Variants in TP73 observed in about 807,000 individuals in gnomAD.
TP73 encodes the protein p53-like transcription factor.
Under a neutral mutation model 62.5 loss-of-function variants are expected in TP73, and 25 were observed. The ratio of observed to expected loss-of-function variants is 0.40; its 90% CI spans 0.29 to 0.56. TP73 has a LOEUF of 0.56. Ranked by LOEUF, TP73 falls within the 20% of genes least tolerant of loss-of-function variation. The probability of loss-of-function intolerance (pLI) is 0.46; values close to 1 mark genes in which losing one functional copy is unlikely to be tolerated. For missense variants in TP73, 754 were observed against 913.3 expected (o/e 0.83, Z 2.25); for synonymous variants, 423 against 377.5 (o/e 1.12, Z -1.40).
At chr1:3,710,985 G>GT (rs1640095314) in intron 4 of TP73, among the ~76,000 whole-genome samples, 1 of 152,206 alleles carries the variant, frequency 6.6e-6, no homozygotes, top group Non-Finnish European at 1.5e-5. Context: ...TGTAACCAGT[G>GT]ACCAGTGACA....
chr1:3,732,692 C>A (rs1048215462), intron 13 of TP73, 55 bp from the exon 14 acceptor site: 6 of 1,483,918 alleles, frequency 4.0e-6, no homozygotes, highest in African/African-American at 2.8e-5. Flanking sequence ...AGGGCGACCC[C>A]CCCTGCTCTC....
chr1:3,732,286 C>T (rs562739989), intron 13 of TP73, among the ~76,000 whole-genome samples: 2 of 152,204 alleles, frequency 1.3e-5, no homozygotes, highest in Non-Finnish European at 2.9e-5. Context: ...AGAGAGTGGC[C>T]GCGTCTGTGT....
intron 4 of TP73, among the ~76,000 whole-genome samples, chr1:3,719,890 T>TTGTGTGTG (rs5772122): frequency 0.031 from 4,115 of 132,088 alleles, 106 homozygotes; most frequent in African/African-American, 0.056. Flanking sequence ...TTTTTTCTCT[T>TTGTGTGTG]TGTGTGTGTG....
rs776034769 is a variant in TP73, at chr1:3,723,446, G to A, written c.709G>A (p.Val237Met). The change falls in exon 6 of 14, where the codon GTG becomes ATG. Residue 237 changes from valine to methionine, a missense_variant. Coordinates refer to ENST00000378295, the MANE Select transcript of TP73 (RefSeq NM_005427.4). ...CCCTGTCACCGGCAGGCAGAGCGTC[G>A]TGGTGCCCTATGAGCCACCACAGGT... Reference protein sequence around the residue: ...DDPVTGRQSVVVPYEPPQVGT... With the variant: ...DDPVTGRQSVMVPYEPPQVGT... The A allele has an allele frequency of 2.6e-5, 42 of 1,612,272 alleles. No individual in the cohort carries two copies. The highest frequency in any genetic ancestry group is 1.1e-4 in the East Asian group (5 of 44,878).
At chr1:3,673,340 C>T (rs991356484) in intron 1 of TP73, among the ~76,000 whole-genome samples, 3 of 152,174 alleles carry the variant, frequency 2.0e-5, no homozygotes, top group Admixed American at 6.5e-5. Flanking sequence ...CTTTGGGACC[C>T]GGGCCTCATT....
intron 4 of TP73, chr1:3,708,168 G>T: frequency 3.3e-6 from 1 of 302,764 alleles, no homozygotes; most frequent in Non-Finnish European, 6.3e-6. Flanking sequence ...GTCTGTCCGA[G>T]ACAGGCCCAC....
chr1:3,668,068 A>G (rs1570381684), intron 1 of TP73, among the ~76,000 whole-genome samples: 1 of 152,182 alleles, frequency 6.6e-6, no homozygotes, highest in East Asian at 1.9e-4. Flanking sequence ...TTTGTCTCCA[A>G]CAAGGATGTT....
At chr1:3,687,743 C>G (rs1645700093) in intron 3 of TP73, among the ~76,000 whole-genome samples, 1 of 152,180 alleles carries the variant, frequency 6.6e-6, no homozygotes, top group South Asian at 2.1e-4. Flanking sequence ...CCAGGGCTGG[C>G]CCCTCCCCTG....
At position 3,666,206 on chromosome 1, in the gene TP73, C is replaced by A. The variant is rs553982991; in HGVS notation, c.-34+13565C>A. On this transcript the variant is annotated intron_variant, in intron 1 of 13. Transcript: ENST00000378295. This position sits in a 1 kb window ranked among gnomAD's most constrained non-coding sequence, Gnocchi z 6.4. The stretch of plus-strand genomic sequence containing the variant: ...CAGCCTAGGCTGGTGTGCAGTGGTG[C>A]AGTCACAGCTGACCACAGCCTCCAA... 2.0e-5 allele frequency among the ~76,000 whole-genome samples: 3 copies of A among 148,928 alleles called. No homozygotes were observed. The highest frequency in any genetic ancestry group is 2.0e-4 in the East Asian group (1 of 5,024).
In TP73 at chr1:3,670,734, G is replaced by A. The variant is rs1456765463; in HGVS notation, c.-33-11599G>A. ...AAAAGTGAGGAGAAATGAGGAGGAA[G>A]TCGAGCAATTTAACCCCAAATGGTG... On this transcript the variant is annotated intron_variant, in intron 1 of 13. Transcript: ENST00000378295. This position sits in a 1 kb window ranked among gnomAD's most constrained non-coding sequence, Gnocchi z 5.9. Among the ~76,000 whole-genome samples, 1 of 151,180 alleles carries A rather than the reference G, an allele frequency of 6.6e-6. No individual in the cohort carries two copies. The highest frequency in any genetic ancestry group is 2.4e-5 in the African/African-American group (1 of 41,230).
In TP73 at chr1:3,701,431, C is replaced by T. The variant is rs746141242; in HGVS notation, c.187-6118C>T. ...AGGGCTCCCGGGCGAGAGTCACTTC[C>T]GATGAAGTCTCAGGTTACCATACTT... is the stretch of plus-strand genomic sequence containing the variant. On this transcript the variant is annotated intron_variant, in intron 3 of 13. Transcript: ENST00000378295. The surrounding 1 kb of genome is among the most constrained non-coding windows in gnomAD (Gnocchi z 4.7). 6.6e-5 allele frequency among the ~76,000 whole-genome samples: 10 copies of T among 152,158 alleles called. No individual in the cohort carries two copies. Among genetic ancestry groups the T allele is most frequent in the Non-Finnish European group, 1.5e-4 (10 of 68,032 alleles).
intron 1 of TP73, among the ~76,000 whole-genome samples, chr1:3,681,090 C>T (rs142881608): frequency 2.6e-5 from 4 of 152,334 alleles, no homozygotes; most frequent in Non-Finnish European, 2.9e-5. Flanking sequence ...GCTCACGGAC[C>T]GCCCCTCAGC....
At chr1:3,725,522 GGA>G (rs1641439105) in intron 6 of TP73, among the ~76,000 whole-genome samples, 1 of 140,680 alleles carries the variant, frequency 7.1e-6, no homozygotes, top group Non-Finnish European at 1.6e-5. Context: ...ATGGGTGGGT[GGA>G]CGGATGGATG....
chr1:3,684,203 C>T (rs1373932594), intron 3 of TP73, among the ~76,000 whole-genome samples: 2 of 152,234 alleles, frequency 1.3e-5, no homozygotes, highest in African/African-American at 2.4e-5. Flanking sequence ...TGCTCGGCCC[C>T]GCCCACAGGC....
At chr1:3,706,638 C>G (rs760917324) in intron 3 of TP73, among the ~76,000 whole-genome samples, 2 of 152,134 alleles carry the variant, frequency 1.3e-5, no homozygotes, top group Non-Finnish European at 2.9e-5. Flanking sequence ...CCTCAGCAGC[C>G]CACCAAGTGA....
chr1:3,694,730 G>GC (rs1321610291), intron 3 of TP73, among the ~76,000 whole-genome samples: 2 of 34,660 alleles, frequency 5.8e-5, no homozygotes, highest in Non-Finnish European at 1.8e-4. Flanking sequence ...TGCAGCCTCA[G>GC]CCCCTCCTCC....
chr1:3,706,154 C>G (rs953653395), intron 3 of TP73, among the ~76,000 whole-genome samples: 10 of 152,172 alleles, frequency 6.6e-5, no homozygotes, highest in African/African-American at 2.4e-4. Flanking sequence ...CCCCTTCCTG[C>G]CCTGCAATCC....
At chr1:3,708,944 AC>A (rs1212439903) in intron 4 of TP73, among the ~76,000 whole-genome samples, 2 of 151,396 alleles carry the variant, frequency 1.3e-5, no homozygotes, top group African/African-American at 4.9e-5. Context: ...CCGCATTCCC[AC>A]CCCCTGTCGG....
intron 3 of TP73, among the ~76,000 whole-genome samples, chr1:3,690,486 G>A (rs972250146): frequency 1.3e-5 from 2 of 152,214 alleles, no homozygotes; most frequent in African/African-American, 4.8e-5. Flanking sequence ...GCCTTCCCCA[G>A]GCAGGCAGCA....
Sources: allele counts gnomAD v4.1 joint callset (sites outside exome capture counted in the v4.1 genomes callset), GRCh38; gene constraint gnomAD v4.1.1; non-coding constraint Gnocchi (gnomAD v3.1); transcripts MANE v1.5; gene names NCBI Gene and HGNC (gene_info 2026-07-23, HGNC 2026-07-21).